Variants in GRHL3 observed in about 807,000 individuals in gnomAD.
GRHL3 encodes the protein grainyhead like transcription factor 3.
A neutral mutation model predicts 70.3 loss-of-function variants in GRHL3; 20 were observed. The ratio of observed to expected loss-of-function variants is 0.28; its 90% CI spans 0.20 to 0.41. The LOEUF (loss-of-function observed/expected upper bound fraction) is 0.41, where lower values mean the gene tolerates loss of function less well. Among genes scored for constraint, GRHL3 ranks in the 10% least tolerant of loss-of-function variants. The pLI is 1.00. For missense variants in GRHL3, 637 were observed against 762.3 expected (o/e 0.84, Z 1.94); for synonymous variants, 299 against 299.9 (o/e 1.00, Z 0.03).
rs774918607 is a variant in GRHL3 at position 24,337,786 on chromosome 1, C to T, written c.837C>T (p.Val279=). The change falls in exon 6 of 16, where the codon GTC becomes GTT. Residue 279 remains valine (V), a synonymous_variant. Transcript: ENST00000361548. ...GKGLALSSNK[V]KSVVMVVFDN... is the part of the protein sequence containing the mutation. Reference sequence around the variant, plus strand: ...GCCTTGCCTTGTCCTCCAACAAAGTCAAGGTGCGTTGGCCTGGAGCAGCTT... The same window carrying T: ...GCCTTGCCTTGTCCTCCAACAAAGTTAAGGTGCGTTGGCCTGGAGCAGCTT... The T allele has an allele frequency of 1.9e-6, 3 of 1,614,052 alleles. No individual in the cohort carries two copies. Among genetic ancestry groups the T allele is most frequent in the African/African-American group, 2.7e-5 (2 of 74,942 alleles).
chr1:24,338,240 G>A (rs1276814116), intron 7 of GRHL3, 137 bp downstream of exon 7: 5 of 584,720 alleles, frequency 8.6e-6, no homozygotes, highest in African/African-American at 7.5e-5. Context: ...CGTGGGGTTT[G>A]CAAGGATTTG....
At chr1:24,335,891 T>C (rs1313179702) in intron 3 of GRHL3, among the ~76,000 whole-genome samples, 2 of 152,194 alleles carry the variant, frequency 1.3e-5, no homozygotes, top group African/African-American at 4.8e-5. Flanking sequence ...CACTCAAAAC[T>C]AATTTTTAAA....
intron 11 of GRHL3, chr1:24,343,259 T>C (rs1257100919): frequency 6.0e-6 from 3 of 502,384 alleles, no homozygotes; most frequent in African/African-American, 5.7e-5. Context: ...AAAACGTTCA[T>C]GCTTAGGGCA....
chr1:24,335,871 C>T lies in GRHL3; in HGVS notation c.267-611C>T, dbSNP rs190680038. On this transcript the variant is annotated intron_variant, in intron 3 of 15. Coordinates refer to ENST00000361548, the MANE Select transcript of GRHL3 (RefSeq NM_198173.3). Reference sequence around the variant, plus strand: ...AGCTGGGATTACAGGCGTGAGCCACCGCGCCCTGCCACTCAAAACTAATTT... The same window carrying T: ...AGCTGGGATTACAGGCGTGAGCCACTGCGCCCTGCCACTCAAAACTAATTT... Among the ~76,000 whole-genome samples, 1,375 of 152,300 alleles carry T rather than the reference C, an allele frequency of 9.0e-3. 24 individuals carry two copies. The highest frequency in any genetic ancestry group is 0.03 in the African/African-American group (1,244 of 41,558).
intron 15 of GRHL3, chr1:24,361,048 G>A: frequency 6.2e-7 from 1 of 1,600,686 alleles, no homozygotes. Context: ...TTTCCTTTGG[G>A]AAAGATAAAA....
rs753938538 is a variant in GRHL3 at position 24,331,454 on chromosome 1, G to A, written c.46G>A (p.Asp16Asn). Residue 16 changes from aspartate (D) to asparagine (N), a missense_variant, in exon 2 of 16, where the codon GAC (aspartate) becomes AAC (asparagine). Coordinates refer to ENST00000361548, the MANE Select transcript of GRHL3 (RefSeq NM_198173.3). ...CAGGTCTGTGCGGCTGCTAAAGAAC[G>A]ACCCAGTCAACTTGCAGAAATTCTC... The part of the protein sequence containing the change: ...DFRSVRLLKN[D>N]PVNLQKFSYT... The A allele has an allele frequency of 2.3e-5, 37 of 1,613,108 alleles. No homozygotes were observed. Among genetic ancestry groups the A allele is most frequent in the Admixed American group, 1.3e-4 (8 of 59,912 alleles).
intron 11 of GRHL3, among the ~76,000 whole-genome samples, chr1:24,344,325 G>A (rs1640159943): frequency 6.6e-6 from 1 of 151,958 alleles, no homozygotes; most frequent in South Asian, 2.1e-4. Context: ...ACACTGTAGG[G>A]TCCAAGAAGA....
chr1:24,335,605 C>T (rs1367570186), intron 3 of GRHL3, among the ~76,000 whole-genome samples: 8 of 141,252 alleles, frequency 5.7e-5, no homozygotes, highest in East Asian at 2.1e-4. Context: ...TTTTTTGAGA[C>T]GGAGTCTCGC....
intron 15 of GRHL3, among the ~76,000 whole-genome samples, chr1:24,353,366 G>A (rs568570913): frequency 1.3e-5 from 2 of 152,216 alleles, no homozygotes; most frequent in African/African-American, 4.8e-5. Context: ...GGAAGATGAC[G>A]GCAGGTGGGC....
At chr1:24,330,873 A>G (rs1264458906) in intron 1 of GRHL3, among the ~76,000 whole-genome samples, 1 of 152,216 alleles carries the variant, frequency 6.6e-6, no homozygotes, top group Non-Finnish European at 1.5e-5. Flanking sequence ...ACTCTACAAT[A>G]AAATTGGCCT....
Position 24,342,991 on chromosome 1 carries a change from A to T in GRHL3, c.1385A>T (p.Asn462Ile), listed in dbSNP as rs143169996. Residue 462 changes from asparagine to isoleucine, a missense_variant, in exon 11 of 16, where the codon AAT (asparagine) becomes ATT (isoleucine). Asn to Ile is a moderately radical substitution (Grantham distance 149). Coordinates refer to ENST00000361548, the MANE Select transcript of GRHL3 (RefSeq NM_198173.3). This position sits in a 1 kb window ranked among gnomAD's most constrained non-coding sequence, Gnocchi z 4.8. ...ACGCCACCCGTGCTGTTCATCCCCA[A>T]TGTGCACTTCTCCAGCCTGCAGCGC... ...LETPPVLFIP[N>I]VHFSSLQRSG... 7.4e-6 allele frequency: 12 copies of T among 1,613,768 alleles called. No individual in the cohort carries two copies. Among genetic ancestry groups the T allele is most frequent in the Non-Finnish European group, 1.0e-5 (12 of 1,179,962 alleles).
chr1:24,326,784 G>C (rs1356143976), intron 1 of GRHL3, among the ~76,000 whole-genome samples: 2 of 152,132 alleles, frequency 1.3e-5, no homozygotes. Flanking sequence ...GCTAGCCATA[G>C]AGTTCCCAGG....
At chr1:24,358,620 C>T, downstream of GRHL3, 3 of 1,612,044 alleles carry the variant, frequency 1.9e-6, no homozygotes, top group Non-Finnish European at 2.5e-6. Flanking sequence ...TTGTACGTAG[C>T]TGTGAGGGGA....
chr1:24,334,610 A>G lies in GRHL3; in HGVS notation c.205-35A>G, dbSNP rs1314543901. 2.5e-6 allele frequency: 4 copies of G among 1,572,040 alleles called. No homozygotes were observed. In the South Asian group the frequency reaches 4.5e-5, roughly 18 times the overall value. On this transcript the variant is annotated intron_variant, in intron 2 of 15. Transcript: ENST00000361548. This position sits in a 1 kb window ranked among gnomAD's most constrained non-coding sequence, Gnocchi z 4.3. ...TTGAGGCTCCTACCAGCAGAAGCTT[A>G]GCCATGCATAAATCCTTCCTTTCTC...
rs762312301 is a variant in GRHL3 at position 24,342,111 on chromosome 1, C to T, written c.1048-4C>T. On this transcript the variant is annotated splice_polypyrimidine_tract_variant and splice_region_variant and intron_variant, in intron 8 of 15. Coordinates refer to ENST00000361548, the MANE Select transcript of GRHL3 (RefSeq NM_198173.3). This position sits in a 1 kb window ranked among gnomAD's most constrained non-coding sequence, Gnocchi z 4.8. ...ACTTACCCAGCGGCCCCCTCTGTCT[C>T]CAGGTGTTCATCGGCGTAAACTGTC... 3 of 1,570,360 alleles carry T rather than the reference C, an allele frequency of 1.9e-6. No individual in the cohort carries two copies. The highest frequency in any genetic ancestry group is 2.6e-6 in the Non-Finnish European group (3 of 1,154,768).
chr1:24,335,404 AATCAGGTGACTTCTCACAAATG>A, intron 3 of GRHL3, among the ~76,000 whole-genome samples: 1 of 152,300 alleles, frequency 6.6e-6, no homozygotes, highest in South Asian at 2.1e-4. Flanking sequence ...CTTCCTGGCC[AATCAGGTGACTTCTCACAAATG>A]ACCCTGTAGG....
In GRHL3 at chr1:24,336,494, C is replaced by T. The variant is rs2148655841; in HGVS notation, c.279C>T (p.Gly93=). 6.3e-7 allele frequency: 1 copy of T among 1,578,408 alleles called. No individual in the cohort carries two copies. The change falls in exon 4 of 16, where the codon GGC becomes GGT. Residue 93 remains glycine, a synonymous_variant. Coordinates refer to ENST00000361548, the MANE Select transcript of GRHL3 (RefSeq NM_198173.3). ...RNDQGKRYYH[G]MEYETDLTPL... Reference sequence around the variant, plus strand: ...TCTTTCTCCCCAGGTACTACCATGGCATGGAATATGAGACGGACCTCACTC... The same window carrying T: ...TCTTTCTCCCCAGGTACTACCATGGTATGGAATATGAGACGGACCTCACTC...
intron 1 of GRHL3, among the ~76,000 whole-genome samples, chr1:24,328,938 C>A (rs970085493): frequency 1.2e-4 from 18 of 152,290 alleles, no homozygotes; most frequent in African/African-American, 3.6e-4. Context: ...TTTTCCCATG[C>A]CTCGTTGGTT....
chr1:24,348,018 CAG>C (rs1640360626), intron 14 of GRHL3, among the ~76,000 whole-genome samples: 1 of 152,134 alleles, frequency 6.6e-6, no homozygotes, highest in Admixed American at 6.5e-5. Flanking sequence ...CCCACACCAC[CAG>C]AGAGTGGGCA....
Sources: gnomAD v4.1 joint callset for allele counts (sites outside exome capture counted in the v4.1 genomes callset) on GRCh38, gnomAD v4.1.1 for gene constraint, Gnocchi (gnomAD v3.1) non-coding constraint, MANE v1.5 for transcripts, NCBI Gene and HGNC (gene_info 2026-07-23, HGNC 2026-07-21) for gene names.